TTC28: variants seen among roughly 807,000 people sequenced by gnomAD.
The protein encoded by TTC28 is tetratricopeptide repeat domain 28, also known as tetratricopeptide repeat protein 28.
A neutral mutation model predicts 198.0 loss-of-function variants in TTC28; 61 were observed. The ratio of observed to expected loss-of-function variants is 0.31; its 90% confidence interval spans 0.25 to 0.38. The LOEUF (loss-of-function observed/expected upper bound fraction) is 0.38, where lower values mean the gene tolerates loss of function less well. TTC28 is among the 10% of genes least tolerant of loss of function. The pLI, the probability that TTC28 is intolerant of heterozygous loss-of-function variation, is 1.00. For synonymous variants in TTC28, 1,171 were observed against 1,297.8 expected (o/e 0.90, Z 2.10); for missense variants, 2,678 against 3,164.0 (o/e 0.85, Z 3.69).
At chr22:28,532,233 C>T (rs1300519849) in intron 2 of TTC28, among the ~76,000 whole-genome samples, 14 of 152,066 alleles carry the variant, frequency 9.2e-5, no homozygotes, top group Non-Finnish European at 1.8e-4. Flanking sequence ...ATACCACCAC[C>T]GATCCCACGG....
intron 12 of TTC28, among the ~76,000 whole-genome samples, chr22:28,055,547 A>T (rs1307767798): frequency 1.3e-5 from 2 of 152,186 alleles, no homozygotes; most frequent in Admixed American, 1.3e-4. Context: ...ATGTCTACCA[A>T]AGATTAAGGG....
chr22:28,162,759 G>A lies in TTC28; in HGVS notation c.1441+333C>T, dbSNP rs541504203. Among the ~76,000 whole-genome samples, 8 of 152,222 alleles carry A rather than the reference G, an allele frequency of 5.3e-5. No individual in the cohort carries two copies. The East Asian group carries it at 1.2e-3, about 22-fold the overall frequency. ...AGCCCAGGAGTTCGAGACCAGCCTG[G>A]GCAACATAAGAAGACGCCTGTCTCT... On this transcript the variant is annotated intron_variant, in intron 6 of 22. Coordinates refer to ENST00000397906, the MANE Select transcript of TTC28 (RefSeq NM_001145418.2).
intron 2 of TTC28, among the ~76,000 whole-genome samples, chr22:28,337,996 G>A (rs558796795): frequency 6.6e-6 from 1 of 152,112 alleles, no homozygotes; most frequent in African/African-American, 2.4e-5. Context: ...TCCTTTCCAT[G>A]TTTAGTGCTT....
At chr22:28,092,794 C>G (rs1941852986) in intron 12 of TTC28, among the ~76,000 whole-genome samples, 1 of 152,096 alleles carries the variant, frequency 6.6e-6, no homozygotes, top group African/African-American at 2.4e-5. Flanking sequence ...CTGTAATTGC[C>G]AAACTGTTGC....
intron 2 of TTC28, among the ~76,000 whole-genome samples, chr22:28,597,084 C>T (rs1486224129): frequency 6.6e-6 from 1 of 152,052 alleles, no homozygotes; most frequent in African/African-American, 2.4e-5. Context: ...CAAATAATCA[C>T]TCCAGAGAAA....
At chr22:28,043,111 G>A (rs1188525075) in intron 12 of TTC28, among the ~76,000 whole-genome samples, 1 of 151,866 alleles carries the variant, frequency 6.6e-6, no homozygotes, top group East Asian at 1.9e-4. Context: ...AGGCATGGTG[G>A]TGGGCACCTG....
intron 8 of TTC28, among the ~76,000 whole-genome samples, chr22:28,104,508 G>C (rs1040043093): frequency 6.6e-6 from 1 of 152,180 alleles, no homozygotes; most frequent in Non-Finnish European, 1.5e-5. Flanking sequence ...TCTAGGGTGA[G>C]AGGATCCAAT....
At chr22:28,613,952 G>C (rs971230647) in intron 2 of TTC28, among the ~76,000 whole-genome samples, 5 of 152,072 alleles carry the variant, frequency 3.3e-5, no homozygotes, top group African/African-American at 9.7e-5. Context: ...AGAGAAATCA[G>C]GCAAGAGAAA....
chr22:28,452,984 G>C (rs539477720), intron 2 of TTC28, among the ~76,000 whole-genome samples: 16 of 152,196 alleles, frequency 1.1e-4, no homozygotes, highest in Non-Finnish European at 2.2e-4. Flanking sequence ...AGGGTCACCA[G>C]TGCGAGAGGA....
chr22:28,089,008 GA>G (rs1941721366), intron 12 of TTC28, among the ~76,000 whole-genome samples: 1 of 152,126 alleles, frequency 6.6e-6, no homozygotes, highest in African/African-American at 2.4e-5. Context: ...AAAAAGTCAG[GA>G]AACAACAGGT....
At chr22:28,326,948 T>A (rs2045539739) in intron 2 of TTC28, among the ~76,000 whole-genome samples, 2 of 148,428 alleles carry the variant, frequency 1.3e-5, no homozygotes, top group Middle Eastern at 3.4e-3. Context: ...ACTTTGGACA[T>A]CTCAATGAAA....
chr22:28,023,550 A>G (rs1938698270), intron 13 of TTC28, among the ~76,000 whole-genome samples: 1 of 152,244 alleles, frequency 6.6e-6, no homozygotes, highest in Non-Finnish European at 1.5e-5. Flanking sequence ...CTTCCAAAGG[A>G]CTTTCCACTT....
chr22:28,058,327 T>A (rs1209611405), intron 12 of TTC28, among the ~76,000 whole-genome samples: 1 of 152,092 alleles, frequency 6.6e-6, no homozygotes. Context: ...TATTGTAAAA[T>A]CACCTTATCA....
chr22:28,546,334 T>C (rs2049540869), intron 2 of TTC28, among the ~76,000 whole-genome samples: 1 of 152,058 alleles, frequency 6.6e-6, no homozygotes, highest in Non-Finnish European at 1.5e-5. Flanking sequence ...TAGTCCCAGC[T>C]ACTTGGGAGG....
chr22:28,453,747 T>TG, intron 2 of TTC28, among the ~76,000 whole-genome samples: 1 of 152,320 alleles, frequency 6.6e-6, no homozygotes, highest in South Asian at 2.1e-4. Flanking sequence ...ATCAACATCA[T>TG]CTGGTCTACT....
intron 2 of TTC28, among the ~76,000 whole-genome samples, chr22:28,557,974 T>C (rs986804588): frequency 6.6e-6 from 1 of 152,234 alleles, no homozygotes; most frequent in African/African-American, 2.4e-5. Context: ...TTCATGATCA[T>C]TTTTTACTGT....
chr22:28,302,887 A>C (rs2045056799), intron 3 of TTC28, among the ~76,000 whole-genome samples: 1 of 152,150 alleles, frequency 6.6e-6, no homozygotes, highest in African/African-American at 2.4e-5. Flanking sequence ...CTCCCACCTA[A>C]AAGAGAATCA....
At chr22:28,303,856 C>CAAAAAAAAAAAAA in intron 3 of TTC28, 1 of 99,450 alleles carries the variant, frequency 1.0e-5, no homozygotes, top group Non-Finnish European at 2.1e-5. Context: ...CTTTAAAATA[C>CAAAAAAAAAAAAA]AAAAAAAAAA....
At chr22:28,143,811 G>A (rs894329877) in intron 6 of TTC28, among the ~76,000 whole-genome samples, 1 of 152,206 alleles carries the variant, frequency 6.6e-6, no homozygotes, top group Non-Finnish European at 1.5e-5. Flanking sequence ...CCATATAAGG[G>A]AAGAAAGTTA....
Sources: gnomAD v4.1 joint callset for allele counts (sites outside exome capture counted in the v4.1 genomes callset) on GRCh38, gnomAD v4.1.1 for gene constraint, MANE v1.5 for transcripts, NCBI Gene and HGNC (gene_info 2026-07-23, HGNC 2026-07-21) for gene names.